STMN3: variants seen among roughly 807,000 people sequenced by gnomAD.
STMN3 encodes the protein stathmin 3, also known as stathmin-3.
Under a neutral mutation model 23.2 loss-of-function variants are expected in STMN3, and 24 were observed. That is an observed-to-expected ratio of 1.03 (90% CI 0.75 to 1.45). The LOEUF (loss-of-function observed/expected upper bound fraction) is 1.45, where lower values mean the gene tolerates loss of function less well. STMN3 is among the 40% of genes most tolerant of loss of function. The pLI is 0.00. For missense variants in STMN3, 235 were observed against 237.6 expected (o/e 0.99, Z 0.07); for synonymous variants, 117 against 103.4 (o/e 1.13, Z -0.80).
chr20:63,647,675 GTATATATACACGTGTATATATATAA>G (rs1204914603), intron 1 of STMN3, among the ~76,000 whole-genome samples: 1 of 98,336 alleles, frequency 1.0e-5, no homozygotes, highest in Non-Finnish European at 2.2e-5. Context: ...ATATATATAC[GTATATATACACGTGTATATATATAA>G]TATATATACA....
chr20:63,644,349 C>T, intron 1 of STMN3, 40 bp from the exon 2 acceptor site: 2 of 1,526,132 alleles, frequency 1.3e-6, no homozygotes, highest in Non-Finnish European at 9.0e-7. Context: ...ACCACTGGGG[C>T]CTGCCCACCT....
intron 1 of STMN3, among the ~76,000 whole-genome samples, chr20:63,647,720 A>G (rs1319973094): frequency 7.7e-6 from 1 of 130,348 alleles, no homozygotes; most frequent in African/African-American, 2.8e-5. Context: ...ACGTGTATAT[A>G]TATTATATAC....
At chr20:63,645,184 C>T (rs1381910711) in intron 1 of STMN3, among the ~76,000 whole-genome samples, 1 of 152,188 alleles carries the variant, frequency 6.6e-6, no homozygotes, top group Non-Finnish European at 1.5e-5. Context: ...CACTCCTCGC[C>T]AGCTCAAGCA....
At chr20:63,649,890 G>T (rs78577441) in intron 1 of STMN3, among the ~76,000 whole-genome samples, 36,941 of 148,326 alleles carry the variant, frequency 0.25, 4,917 homozygotes, top group South Asian at 0.34. Flanking sequence ...GCAGTGGCGC[G>T]ATGTCGGCTC....
rs114015203 is a variant in STMN3, at chr20:63,640,043, G to A, written c.*1295C>T. 9.4e-3 allele frequency: 1,437 copies of A among 153,074 alleles called. 19 individuals carry two copies. Among genetic ancestry groups the A allele is most frequent in the African/African-American group, 0.033 (1,382 of 41,554 alleles). The allele number at this position is 153,074 out of a possible 1,614,324, so 9.5% of individuals were successfully genotyped here. A position where few individuals can be genotyped will look rare whatever the true frequency, so the allele number is the denominator to read the frequency against. On this transcript the variant is annotated 3_prime_UTR_variant, in exon 5 of 5. Coordinates refer to ENST00000370053, the MANE Select transcript of STMN3 (RefSeq NM_015894.4). ...CTGGGTGTGACTCTGGAAGACACTG[G>A]CAGTGCCCGGCCAAGGCCTCCCGCA... is the stretch of plus-strand genomic sequence containing the variant.
chr20:63,648,555 G>C (rs1261522749), intron 1 of STMN3, among the ~76,000 whole-genome samples: 2 of 152,112 alleles, frequency 1.3e-5, no homozygotes, highest in Non-Finnish European at 2.9e-5. Context: ...AGGCAACATG[G>C]TGAAACCCCA....
At chr20:63,644,139 G>C (rs6010985) in intron 2 of STMN3, 75 bp downstream of exon 2, 116,391 of 1,446,686 alleles carry the variant, frequency 0.08, 5,159 homozygotes, top group Non-Finnish European at 0.085. Flanking sequence ...AGTTCAGAGA[G>C]ACTGCCGGAG....
At chr20:63,646,981 C>T (rs925027459) in intron 1 of STMN3, among the ~76,000 whole-genome samples, 6 of 149,450 alleles carry the variant, frequency 4.0e-5, no homozygotes, top group Non-Finnish European at 7.4e-5. Flanking sequence ...CTTGAGCCAC[C>T]GCGCCCGCCC....
At chr20:63,651,094 G>A (rs561682051) in intron 1 of STMN3, among the ~76,000 whole-genome samples, 3 of 151,916 alleles carry the variant, frequency 2.0e-5, no homozygotes, top group Non-Finnish European at 4.4e-5. Context: ...CAGATTGCTG[G>A]GATCACAGGA....
At position 63,652,843 on chromosome 20, in the gene STMN3, C is replaced by A. The variant is rs2089871417; in HGVS notation, c.19+484G>T. The A allele has an allele frequency of 3.1e-6, 3 of 962,466 alleles. No homozygotes were observed. The highest frequency in any genetic ancestry group is 3.7e-6 in the Non-Finnish European group (3 of 809,026). The allele number at this position is 962,466 out of a possible 1,614,324, so 59.6% of individuals were successfully genotyped here. A position where few individuals can be genotyped will look rare whatever the true frequency, so the allele number is the denominator to read the frequency against. On this transcript the variant is annotated intron_variant, in intron 1 of 4. Transcript: ENST00000370053. This position sits in a 1 kb window ranked among gnomAD's most constrained non-coding sequence, Gnocchi z 5.3. ...CCCCCTCCTTCAGCGCCCCCTCCAG[C>A]CCCTGTGCTGCACTGGCGCGGGGAG...
Position 63,645,779 on chromosome 20 carries a change from C to A in STMN3, c.20-1470G>T, listed in dbSNP as rs560352368. Among the ~76,000 whole-genome samples, 6 of 152,254 alleles carry A rather than the reference C, an allele frequency of 3.9e-5. No individual in the cohort carries two copies. The South Asian group carries it at 1.0e-3, about 26-fold the overall frequency. Reference sequence around the variant, plus strand: ...ACCAGCCTGACCAACATGGTGAAACCCGATCTCTACTAAAAATATAAAAAT... The same window carrying A: ...ACCAGCCTGACCAACATGGTGAAACACGATCTCTACTAAAAATATAAAAAT... On this transcript the variant is annotated intron_variant, in intron 1 of 4. Transcript: ENST00000370053.
intron 4 of STMN3, among the ~76,000 whole-genome samples, chr20:63,641,650 G>A (rs1248414246): frequency 6.6e-6 from 1 of 152,178 alleles, no homozygotes; most frequent in Admixed American, 6.5e-5. Context: ...GCTTCCTTCA[G>A]GGCACTTTCA....
At position 63,642,106 on chromosome 20, in the gene STMN3, A is replaced by G; in HGVS notation, c.483+2T>C. Reference sequence around the variant, plus strand: ...AGCTCCGCCCCGGCCCCGCCCCCGCACCTTCTCGCGCAGCCGCTCGCGCAG... The same window carrying G: ...AGCTCCGCCCCGGCCCCGCCCCCGCGCCTTCTCGCGCAGCCGCTCGCGCAG... On this transcript the variant is annotated splice_donor_variant, in intron 4 of 4. Coordinates refer to ENST00000370053, the MANE Select transcript of STMN3 (RefSeq NM_015894.4). LOFTEE classifies it high-confidence loss of function. 3 of 1,090,116 alleles carry G rather than the reference A, an allele frequency of 2.8e-6. No individual in the cohort carries two copies. The highest frequency in any genetic ancestry group is 3.6e-6 in the Non-Finnish European group (3 of 831,956). The allele number at this position is 1,090,116 out of a possible 1,614,324, so 67.5% of individuals were successfully genotyped here. A position where few individuals can be genotyped will look rare whatever the true frequency, so the allele number is the denominator to read the frequency against.
chr20:63,651,499 G>A (rs888315202), intron 1 of STMN3, among the ~76,000 whole-genome samples: 1 of 152,182 alleles, frequency 6.6e-6, no homozygotes, highest in African/African-American at 2.4e-5. Context: ...GGAGGTCACT[G>A]TCACCCAGGC....
At chr20:63,650,357 G>A (rs976777617) in intron 1 of STMN3, among the ~76,000 whole-genome samples, 9 of 152,192 alleles carry the variant, frequency 5.9e-5, no homozygotes, top group Non-Finnish European at 1.2e-4. Flanking sequence ...TTCATGAGCA[G>A]GAGTCAGAAA....
chr20:63,642,368 C>A, intron 3 of STMN3, 69 bp from the exon 4 acceptor site: 1 of 1,195,076 alleles, frequency 8.4e-7, no homozygotes, highest in Non-Finnish European at 1.1e-6. Context: ...CCTCCCTGCT[C>A]TCCGCCTCCC....
At chr20:63,642,661 T>C (rs1426306098) in intron 3 of STMN3, among the ~76,000 whole-genome samples, 3 of 152,204 alleles carry the variant, frequency 2.0e-5, no homozygotes, top group Non-Finnish European at 2.9e-5. Flanking sequence ...CCTAAACTTG[T>C]GGGCGGTCTC....
At chr20:63,641,430 G>A (rs1300382866) in intron 4 of STMN3, 33 bp from the exon 5 acceptor site, 1 of 1,540,590 alleles carries the variant, frequency 6.5e-7, no homozygotes, top group South Asian at 1.2e-5. Flanking sequence ...GCCTGAGGGC[G>A]GGGGTGGCTT....
In STMN3 at chr20:63,652,605, T is replaced by G. The variant is rs1827171781; in HGVS notation, c.19+722A>C. On this transcript the variant is annotated intron_variant, in intron 1 of 4. Transcript: ENST00000370053. This position sits in a 1 kb window ranked among gnomAD's most constrained non-coding sequence, Gnocchi z 5.3. Reference sequence around the variant, plus strand: ...GGCGGTGGGTCCGCCCCGCGGGAGGTGGAGGGGCGGGAGGGGCGGAGCCCT... The same window carrying G: ...GGCGGTGGGTCCGCCCCGCGGGAGGGGGAGGGGCGGGAGGGGCGGAGCCCT... 1 of 984,750 alleles carries G rather than the reference T, an allele frequency of 1.0e-6. No individual in the cohort carries two copies. Among genetic ancestry groups the G allele is most frequent in the Non-Finnish European group, 1.2e-6 (1 of 829,708 alleles). The allele number at this position is 984,750 out of a possible 1,614,324, so 61.0% of individuals were successfully genotyped here.
Sources: allele counts gnomAD v4.1 joint callset (sites outside exome capture counted in the v4.1 genomes callset), GRCh38; gene constraint gnomAD v4.1.1; non-coding constraint Gnocchi (gnomAD v3.1); transcripts MANE v1.5; gene names NCBI Gene and HGNC (gene_info 2026-07-23, HGNC 2026-07-21).